Variants in GRM8 observed in about 807,000 individuals in gnomAD.
GRM8 encodes the protein metabotropic glutamate receptor 8.
A neutral mutation model predicts 87.2 loss-of-function variants in GRM8; 47 were observed. That is an observed-to-expected ratio of 0.54 (90% CI 0.43 to 0.69). The LOEUF (loss-of-function observed/expected upper bound fraction) is 0.69. Among genes scored for constraint, GRM8 ranks in the 30% least tolerant of loss-of-function variants. GRM8 has a pLI of 0.00. For synonymous variants in GRM8, 396 were observed against 404.5 expected (o/e 0.98, Z 0.25); for missense variants, 1,019 against 1,139.2 (o/e 0.89, Z 1.52).
intron 1 of GRM8, among the ~76,000 whole-genome samples, chr7:127,243,853 T>C (rs1798441729): frequency 6.6e-6 from 1 of 152,004 alleles, no homozygotes; most frequent in Non-Finnish European, 1.5e-5. Flanking sequence ...AATCTGTTTT[T>C]TTTTTTTGCA....
intron 7 of GRM8, among the ~76,000 whole-genome samples, chr7:126,730,655 T>C (rs1349352521): frequency 6.6e-6 from 1 of 152,050 alleles, no homozygotes; most frequent in Non-Finnish European, 1.5e-5. Context: ...CACAAACATT[T>C]GAAAAGAGAG....
chr7:126,485,570 G>A (rs563567875), intron 9 of GRM8, among the ~76,000 whole-genome samples: 54 of 152,064 alleles, frequency 3.6e-4, no homozygotes, highest in African/African-American at 1.3e-3. Flanking sequence ...TAAAGAGCTT[G>A]GCCTTTGAAG....
intron 3 of GRM8, among the ~76,000 whole-genome samples, chr7:127,102,101 G>C (rs1399289816): frequency 6.6e-6 from 1 of 152,174 alleles, no homozygotes; most frequent in African/African-American, 2.4e-5. Flanking sequence ...TAATGACCTA[G>C]GGTATACAGC....
chr7:127,238,031 A>T (rs891870981), intron 2 of GRM8, among the ~76,000 whole-genome samples: 1 of 152,050 alleles, frequency 6.6e-6, no homozygotes, highest in African/African-American at 2.4e-5. Context: ...ATTTCCAAAG[A>T]CCCTCTCCTT....
chr7:126,531,060 G>GA (rs1216497374), intron 9 of GRM8, among the ~76,000 whole-genome samples: 1 of 152,116 alleles, frequency 6.6e-6, no homozygotes, highest in African/African-American at 2.4e-5. Flanking sequence ...AATAATAAAA[G>GA]AAACTTGGAC....
chr7:126,916,205 A>G (rs1316383376), intron 3 of GRM8, among the ~76,000 whole-genome samples: 2 of 152,212 alleles, frequency 1.3e-5, no homozygotes, highest in South Asian at 2.1e-4. Context: ...TGGACTTTAA[A>G]ACAGCATTAG....
chr7:126,796,503 G>A (rs1032798476), intron 6 of GRM8, among the ~76,000 whole-genome samples: 1 of 152,064 alleles, frequency 6.6e-6, no homozygotes, highest in African/African-American at 2.4e-5. Flanking sequence ...CACTCCTAAT[G>A]ACCATTTGTC....
chr7:126,825,071 TTTG>T (rs1370378181), intron 6 of GRM8, among the ~76,000 whole-genome samples: 2 of 152,168 alleles, frequency 1.3e-5, no homozygotes, highest in African/African-American at 2.4e-5. Flanking sequence ...ATGTACTTTT[TTTG>T]TTGTTTTTTT....
chr7:127,223,443 GCACA>G (rs61674303), intron 2 of GRM8, among the ~76,000 whole-genome samples: 5,786 of 143,838 alleles, frequency 0.04, 145 homozygotes, highest in East Asian at 0.1. Flanking sequence ...ACACACACAC[GCACA>G]CACACACACA....
chr7:126,497,077 A>G (rs1808871865), intron 9 of GRM8, among the ~76,000 whole-genome samples: 2 of 151,438 alleles, frequency 1.3e-5, no homozygotes, highest in Non-Finnish European at 2.9e-5. Flanking sequence ...ATTTAATACC[A>G]TACACAAATA....
At chr7:126,948,357 C>T (rs934170101) in intron 3 of GRM8, among the ~76,000 whole-genome samples, 2 of 150,346 alleles carry the variant, frequency 1.3e-5, no homozygotes, top group Non-Finnish European at 3.0e-5. Flanking sequence ...GAACACAGGA[C>T]ATGCAAAGGC....
chr7:126,825,676 A>G (rs906488108), intron 6 of GRM8, among the ~76,000 whole-genome samples: 2 of 152,234 alleles, frequency 1.3e-5, no homozygotes, highest in Admixed American at 1.3e-4. Context: ...ACAACTTACA[A>G]TATGAAAAAC....
At chr7:127,179,216 C>G (rs887810973) in intron 2 of GRM8, among the ~76,000 whole-genome samples, 2 of 152,054 alleles carry the variant, frequency 1.3e-5, no homozygotes, top group East Asian at 3.9e-4. Flanking sequence ...TTATATCAGA[C>G]AAAACAAACT....
At chr7:126,769,788 G>C (rs1234753132) in intron 7 of GRM8, 77 bp downstream of exon 7, 3 of 893,854 alleles carry the variant, frequency 3.4e-6, no homozygotes, top group Non-Finnish European at 1.9e-6. Context: ...ACTCTGCCTG[G>C]GTATCTTCTA....
At chr7:126,536,200 A>G (rs1267597307) in intron 8 of GRM8, among the ~76,000 whole-genome samples, 1 of 152,226 alleles carries the variant, frequency 6.6e-6, no homozygotes, top group Non-Finnish European at 1.5e-5. Context: ...AGCCCGAAGT[A>G]TGTAGCTTTA....
In GRM8 at chr7:127,166,053, T is replaced by C. The variant is rs568668112; in HGVS notation, c.511-59341A>G. Among the ~76,000 whole-genome samples the C allele has an allele frequency of 2.6e-5, 4 of 152,262 alleles. No homozygotes were observed. The East Asian group carries it at 7.7e-4, about 29-fold the overall frequency. ...ATCAGGAAGATAAATAGGATGCTTT[T>C]TCGCAAGGGAAAAGAATTTCTACTA... On this transcript the variant is annotated intron_variant, in intron 2 of 10. Transcript: ENST00000339582.
At chr7:127,221,147 C>A (rs558577199) in intron 2 of GRM8, among the ~76,000 whole-genome samples, 29 of 152,340 alleles carry the variant, frequency 1.9e-4, no homozygotes, top group Non-Finnish European at 2.2e-4. Flanking sequence ...TGTTCTCAAT[C>A]AACTCACCTG....
intron 6 of GRM8, among the ~76,000 whole-genome samples, chr7:126,836,213 A>T (rs1011952250): frequency 2.8e-4 from 43 of 152,316 alleles, no homozygotes; most frequent in Admixed American, 2.2e-3. Context: ...GTTAAAAAAA[A>T]TTGCAAGACT....
rs143999774 is a variant in GRM8, at chr7:126,642,132, T to C, written c.1358-32634A>G. 8.5e-4 allele frequency among the ~76,000 whole-genome samples: 130 copies of C among 152,306 alleles called. 1 individual carries two copies. Among genetic ancestry groups the C allele is most frequent in the African/African-American group, 2.9e-3 (120 of 41,572 alleles). On this transcript the variant is annotated intron_variant, in intron 7 of 10. Coordinates refer to ENST00000339582, the MANE Select transcript of GRM8 (RefSeq NM_000845.3). ...AATGGTAGCTCTTCATTATTGTTACTATATCTCATTAGTCTAAAGAACACA... is the reference window on the plus strand; with the variant it reads ...AATGGTAGCTCTTCATTATTGTTACCATATCTCATTAGTCTAAAGAACACA...
Sources: gnomAD v4.1 joint callset for allele counts (sites outside exome capture counted in the v4.1 genomes callset) on GRCh38, gnomAD v4.1.1 for gene constraint, MANE v1.5 for transcripts, NCBI Gene and HGNC (gene_info 2026-07-23, HGNC 2026-07-21) for gene names.